Variants in ZNF804B observed in about 807,000 individuals in gnomAD.
ZNF804B encodes the protein zinc finger 804B.
In ZNF804B, 80 loss-of-function variants were observed where a neutral mutation model predicts 101.4. The ratio of observed to expected loss-of-function variants is 0.79; its 90% CI spans 0.66 to 0.95. The LOEUF is 0.95. Among genes scored for constraint, ZNF804B ranks in the 40% least tolerant of loss-of-function variants. The probability of loss-of-function intolerance (pLI) is 0.00; values close to 1 mark genes in which losing one functional copy is unlikely to be tolerated. For missense variants in ZNF804B, 1,673 were observed against 1,561.9 expected, an observed-to-expected ratio of 1.07 and a Z score of -1.20; for synonymous variants, 622 against 558.8, an observed-to-expected ratio of 1.11 and a Z score of -1.59.
At chr7:89,059,057 G>A (rs1480600691) in intron 1 of ZNF804B, among the ~76,000 whole-genome samples, 2 of 152,100 alleles carry the variant, frequency 1.3e-5, no homozygotes, top group African/African-American at 4.8e-5. Flanking sequence ...TCATTCTAGT[G>A]TATTGAGACT....
At chr7:89,316,901 A>G (rs1308989199) in intron 2 of ZNF804B, among the ~76,000 whole-genome samples, 2 of 152,236 alleles carry the variant, frequency 1.3e-5, no homozygotes. Context: ...AGGAAAAACA[A>G]GGAAAACCCT....
chr7:88,908,433 A>G (rs571713590), intron 1 of ZNF804B, among the ~76,000 whole-genome samples: 121 of 151,926 alleles, frequency 8.0e-4, no homozygotes, highest in African/African-American at 2.8e-3. Flanking sequence ...CAGATGACTA[A>G]AACAATAAAA....
chr7:89,024,447 C>T (rs10486893), intron 1 of ZNF804B, among the ~76,000 whole-genome samples: 124,228 of 151,934 alleles, frequency 0.82, 51,272 homozygotes, highest in African/African-American at 0.94. Context: ...ATATTGGCAT[C>T]GGAGTAAAAT....
At chr7:88,822,308 A>G (rs1790994443) in intron 1 of ZNF804B, among the ~76,000 whole-genome samples, 1 of 152,200 alleles carries the variant, frequency 6.6e-6, no homozygotes, top group Non-Finnish European at 1.5e-5. Flanking sequence ...AACCTCGATT[A>G]ACCTCATGAT....
chr7:88,998,942 G>GTT (rs1788241986), intron 1 of ZNF804B, among the ~76,000 whole-genome samples: 1 of 152,006 alleles, frequency 6.6e-6, no homozygotes, highest in Non-Finnish European at 1.5e-5. Context: ...TGTTAAGTGT[G>GTT]TTTGACCATT....
At chr7:89,262,048 A>G (rs1789719811) in intron 2 of ZNF804B, among the ~76,000 whole-genome samples, 1 of 152,138 alleles carries the variant, frequency 6.6e-6, no homozygotes, top group Non-Finnish European at 1.5e-5. Context: ...ACCTTAATGA[A>G]CTCTAATTTT....
chr7:89,104,745 C>T (rs1160116688), intron 1 of ZNF804B, among the ~76,000 whole-genome samples: 3 of 151,126 alleles, frequency 2.0e-5, no homozygotes, highest in Admixed American at 2.0e-4. Context: ...CTGCTCTATC[C>T]TTCACTCTTC....
At chr7:88,872,601 C>T (rs528335804) in intron 1 of ZNF804B, among the ~76,000 whole-genome samples, 71 of 152,036 alleles carry the variant, frequency 4.7e-4, no homozygotes, top group Non-Finnish European at 5.9e-5. Flanking sequence ...GTATATCTCC[C>T]AATGCCATCC....
At chr7:89,196,934 A>T (rs1210864787) in intron 1 of ZNF804B, among the ~76,000 whole-genome samples, 1 of 152,022 alleles carries the variant, frequency 6.6e-6, no homozygotes, top group Non-Finnish European at 1.5e-5. Flanking sequence ...TCTCACGCCA[A>T]TCAGAATGGC....
intron 1 of ZNF804B, among the ~76,000 whole-genome samples, chr7:88,820,219 A>G (rs1454615905): frequency 1.3e-5 from 2 of 152,234 alleles, no homozygotes; most frequent in Non-Finnish European, 2.9e-5. Context: ...CCTGTACTTC[A>G]TGATACAAAA....
chr7:88,849,349 T>C (rs1174665730), intron 1 of ZNF804B, among the ~76,000 whole-genome samples: 2 of 151,832 alleles, frequency 1.3e-5, no homozygotes, highest in African/African-American at 2.4e-5. Context: ...AAATAAAATA[T>C]TTATTTTTTA....
intron 2 of ZNF804B, among the ~76,000 whole-genome samples, chr7:89,261,189 T>C (rs369114890): frequency 5.3e-4 from 80 of 152,294 alleles, no homozygotes; most frequent in African/African-American, 1.9e-3. Context: ...ATCTGTATCT[T>C]CATTTGCATT....
intron 1 of ZNF804B, among the ~76,000 whole-genome samples, chr7:89,052,974 C>T (rs546718354): frequency 6.2e-4 from 95 of 152,270 alleles, no homozygotes; most frequent in Non-Finnish European, 1.2e-3. Context: ...TAATTAAGAT[C>T]AACTGTGCTT....
At position 89,182,290 on chromosome 7, in the gene ZNF804B, T is replaced by G. The variant is rs369783647; in HGVS notation, c.109-35865T>G. Among the ~76,000 whole-genome samples, 6 of 152,322 alleles carry G rather than the reference T, an allele frequency of 3.9e-5. No homozygotes were observed. In the East Asian group the frequency reaches 9.6e-4, roughly 24 times the overall value. On this transcript the variant is annotated intron_variant, in intron 1 of 3. Coordinates refer to ENST00000333190, the MANE Select transcript of ZNF804B (RefSeq NM_181646.5). The stretch of plus-strand genomic sequence containing the variant: ...ACTTATTCCGAAGACTAAGCTAATT[T>G]GAATTTGACCTTTTCAGCAATCAAA...
Position 88,955,589 on chromosome 7 carries a change from T to G in ZNF804B, c.108+195505T>G, listed in dbSNP as rs186854886. ...TTTTACATTCTACCCAAATCTTTAG[T>G]AAAAAGCCTATTTTTGGATATTAAA... is the stretch of plus-strand genomic sequence containing the variant. On this transcript the variant is annotated intron_variant, in intron 1 of 3. Transcript: ENST00000333190. 2.2e-3 allele frequency among the ~76,000 whole-genome samples: 329 copies of G among 151,762 alleles called. 2 individuals carry two copies. Among genetic ancestry groups the G allele is most frequent in the Non-Finnish European group, 9.0e-4 (61 of 67,780 alleles).
chr7:89,260,879 G>A (rs1789703281), intron 2 of ZNF804B, among the ~76,000 whole-genome samples: 5 of 152,142 alleles, frequency 3.3e-5, no homozygotes. Flanking sequence ...TGCTTCTTGG[G>A]AACACTTCCA....
At chr7:89,177,020 TCTC>T (rs1562906247) in intron 1 of ZNF804B, among the ~76,000 whole-genome samples, 1 of 152,154 alleles carries the variant, frequency 6.6e-6, no homozygotes, top group Non-Finnish European at 1.5e-5. Context: ...ACTTCAGTCT[TCTC>T]CTTTTTTTGT....
At chr7:89,032,949 A>G (rs2116234187) in intron 1 of ZNF804B, among the ~76,000 whole-genome samples, 1 of 152,114 alleles carries the variant, frequency 6.6e-6, no homozygotes, top group Non-Finnish European at 1.5e-5. Context: ...GTTTTGTGAT[A>G]AAAACATTTG....
At chr7:89,157,922 G>A (rs1791000999) in intron 1 of ZNF804B, among the ~76,000 whole-genome samples, 1 of 152,094 alleles carries the variant, frequency 6.6e-6, no homozygotes, top group Non-Finnish European at 1.5e-5. Context: ...CGTAAGTTGA[G>A]CAAATAATTT....
Sources: gnomAD v4.1 joint callset for allele counts (sites outside exome capture counted in the v4.1 genomes callset) on GRCh38, gnomAD v4.1.1 for gene constraint, MANE v1.5 for transcripts, NCBI Gene and HGNC (gene_info 2026-07-23, HGNC 2026-07-21) for gene names.